The following PTPRT variants were observed in gnomAD, a reference collection of about 807,000 sequenced individuals.
The protein encoded by PTPRT is receptor-type tyrosine-protein phosphatase T.
In PTPRT, 56 loss-of-function variants were observed where a neutral mutation model predicts 176.8. The observed-to-expected ratio is 0.32, with a 90% CI of 0.26 to 0.40. PTPRT has a LOEUF of 0.40. Ranked by LOEUF, PTPRT falls within the 10% of genes least tolerant of loss-of-function variation. The pLI, the probability that PTPRT is intolerant of heterozygous loss-of-function variation, is 1.00. For missense variants in PTPRT, 1,540 were observed against 1,908.2 expected (o/e 0.81, Z 3.60); for synonymous variants, 783 against 739.0 (o/e 1.06, Z -0.96).
At position 42,437,051 on chromosome 20, in the gene PTPRT, T is replaced by C. The variant is rs369426250; in HGVS notation, c.1560+11169A>G. ...GAATTATATACAAGATTTAGAAGAG[T>C]GGAGGGGTCAGGAAGATGGGATGGG... On this transcript the variant is annotated intron_variant, in intron 9 of 30. Transcript: ENST00000373187. 9.9e-5 allele frequency among the ~76,000 whole-genome samples: 15 copies of C among 151,620 alleles called. No homozygotes were observed. The East Asian group carries it at 1.4e-3, about 14-fold the overall frequency.
chr20:42,417,428 G>C (rs529055078), intron 9 of PTPRT, among the ~76,000 whole-genome samples: 3 of 151,670 alleles, frequency 2.0e-5, no homozygotes, highest in Non-Finnish European at 4.4e-5. Context: ...TTGTTTCGTT[G>C]TTTCCCTGCA....
At chr20:42,347,646 C>T (rs1158232947) in intron 11 of PTPRT, among the ~76,000 whole-genome samples, 2 of 152,160 alleles carry the variant, frequency 1.3e-5, no homozygotes, top group African/African-American at 4.8e-5. Context: ...AATAGCATCA[C>T]CTCATGACAT....
Position 42,618,362 on chromosome 20 carries a change from T to C in PTPRT, c.1153+59504A>G, listed in dbSNP as rs1435625644. Among the ~76,000 whole-genome samples the C allele has an allele frequency of 1.5e-5, 2 of 135,878 alleles. 1 individual carries two copies. Among genetic ancestry groups the C allele is most frequent in the Non-Finnish European group, 3.1e-5 (2 of 65,050 alleles). 89.1% of individuals were successfully genotyped at this position (135,878 alleles called of 152,430 possible). A position where few individuals can be genotyped will look rare whatever the true frequency, so the allele number is the denominator to read the frequency against. On this transcript the variant is annotated intron_variant, in intron 7 of 30. Coordinates refer to ENST00000373187, the MANE Select transcript of PTPRT (RefSeq NM_007050.6). ...TGCTGAGGAGTGCTTTACTTCCAAC[T>C]ATGTGGTCAATTTTGGAATAGGTGT...
rs527630784 is a variant in PTPRT at position 42,141,759 on chromosome 20, T to C, written c.2770+156A>G. Among the ~76,000 whole-genome samples, 277 of 152,276 alleles carry C rather than the reference T, an allele frequency of 1.8e-3. 1 individual carries two copies. Among genetic ancestry groups the C allele is most frequent in the Middle Eastern group, 3.4e-3 (1 of 294 alleles). On this transcript the variant is annotated intron_variant, in intron 18 of 30. Coordinates refer to ENST00000373187, the MANE Select transcript of PTPRT (RefSeq NM_007050.6). ...CTGTCATCCAGTCTAGGGATGGCAG[T>C]AAGGCTGATATAAAGCTTCCATCTT...
At chr20:42,253,337 C>T (rs79152101) in intron 13 of PTPRT, among the ~76,000 whole-genome samples, 2,291 of 152,260 alleles carry the variant, frequency 0.015, 69 homozygotes, top group African/African-American at 0.053. Context: ...ATCTGTCTGA[C>T]TCAGTGGCCC....
At chr20:42,187,044 T>G (rs953358580) in intron 16 of PTPRT, among the ~76,000 whole-genome samples, 2 of 152,130 alleles carry the variant, frequency 1.3e-5, no homozygotes, top group Non-Finnish European at 2.9e-5. Context: ...ACTCATATGA[T>G]TGGTAAGGTG....
chr20:42,488,722 T>C (rs2145363518), intron 7 of PTPRT, among the ~76,000 whole-genome samples: 1 of 152,198 alleles, frequency 6.6e-6, no homozygotes, highest in Non-Finnish European at 1.5e-5. Context: ...CCCAGTACTT[T>C]GGGAGGCCGA....
At chr20:42,439,505 TA>T (rs1469921162) in intron 9 of PTPRT, among the ~76,000 whole-genome samples, 3 of 152,154 alleles carry the variant, frequency 2.0e-5, no homozygotes, top group Non-Finnish European at 4.4e-5. Flanking sequence ...ATTTAATCCT[TA>T]AAAAAATTAA....
chr20:42,066,546 G>A, the PTPRT span, among the ~76,000 whole-genome samples: 1 of 151,878 alleles, frequency 6.6e-6, no homozygotes, highest in African/African-American at 2.4e-5. Context: ...GCATTGTTTT[G>A]GAATAGTACA....
At chr20:42,554,491 C>T (rs1418197197) in intron 7 of PTPRT, among the ~76,000 whole-genome samples, 2 of 152,108 alleles carry the variant, frequency 1.3e-5, no homozygotes, top group Admixed American at 1.3e-4. Flanking sequence ...CCTCACTGCT[C>T]AGCACAGGTC....
chr20:42,979,913 C>T (rs565552958), intron 1 of PTPRT, among the ~76,000 whole-genome samples: 1 of 57,124 alleles, frequency 1.8e-5, no homozygotes, highest in South Asian at 9.7e-4. Flanking sequence ...AGGGAGCACA[C>T]AGGCATGCCT....
At chr20:42,776,082 A>G (rs1472941510) in intron 4 of PTPRT, among the ~76,000 whole-genome samples, 1 of 152,102 alleles carries the variant, frequency 6.6e-6, no homozygotes, top group Non-Finnish European at 1.5e-5. Context: ...CCAGGCTCTC[A>G]CCACCTTGCT....
intron 7 of PTPRT, among the ~76,000 whole-genome samples, chr20:42,550,664 G>T (rs975749903): frequency 5.9e-5 from 9 of 151,970 alleles, no homozygotes; most frequent in Admixed American, 3.3e-4. Flanking sequence ...TGCATTGCGG[G>T]GCTAAGCTGC....
intron 6 of PTPRT, among the ~76,000 whole-genome samples, chr20:42,714,792 T>TA (rs1273503991): frequency 3.9e-5 from 6 of 152,124 alleles, no homozygotes; most frequent in African/African-American, 1.4e-4. Context: ...GAACCCGAAT[T>TA]AGAGTTCTGG....
rs13039643 is a variant in PTPRT at position 42,564,649 on chromosome 20, C to G, written c.1154-92087G>C. On this transcript the variant is annotated intron_variant, in intron 7 of 30. Coordinates refer to ENST00000373187, the MANE Select transcript of PTPRT (RefSeq NM_007050.6). The stretch of plus-strand genomic sequence containing the variant: ...ACAAATACCTAATGCATGAAGGGCT[C>G]AAAACCTAGATGACGGGTTGATGGG... 7.2e-5 allele frequency among the ~76,000 whole-genome samples: 11 copies of G among 152,018 alleles called. No individual in the cohort carries two copies. In the Middle Eastern group the frequency reaches 0.01, roughly 142 times the overall value.
chr20:42,836,340 T>C (rs1335808077), intron 2 of PTPRT, among the ~76,000 whole-genome samples: 4 of 152,180 alleles, frequency 2.6e-5, no homozygotes, highest in Non-Finnish European at 5.9e-5. Flanking sequence ...AAACCAGGTA[T>C]AAATGGCTGC....
intron 1 of PTPRT, among the ~76,000 whole-genome samples, chr20:43,172,963 C>T (rs1209528831): frequency 6.6e-6 from 1 of 151,184 alleles, no homozygotes; most frequent in Admixed American, 6.6e-5. Flanking sequence ...ACCTCCACCT[C>T]CCGGGTTCAA....
intron 1 of PTPRT, among the ~76,000 whole-genome samples, chr20:43,062,022 C>G (rs714972): frequency 0.19 from 28,223 of 152,154 alleles, 2,858 homozygotes; most frequent in Admixed American, 0.32. Context: ...TGCATGTTTC[C>G]ATTTCTAGAA....
intron 15 of PTPRT, among the ~76,000 whole-genome samples, chr20:42,216,242 ACAT>A (rs111454305): frequency 0.046 from 6,962 of 152,166 alleles, 505 homozygotes; most frequent in African/African-American, 0.16. Context: ...CCAACTAGAA[ACAT>A]CATCTCCTTC....
Sources: gnomAD v4.1 joint callset for allele counts (sites outside exome capture counted in the v4.1 genomes callset) on GRCh38, gnomAD v4.1.1 for gene constraint, MANE v1.5 for transcripts, NCBI Gene and HGNC (gene_info 2026-07-23, HGNC 2026-07-21) for gene names.